The following CABCOCO1 variants were observed in gnomAD, a reference collection of about 807,000 sequenced individuals.
CABCOCO1 encodes ciliary-associated calcium-binding coiled-coil protein 1.
In CABCOCO1, 28 loss-of-function variants were observed where a neutral mutation model predicts 35.7. The ratio of observed to expected loss-of-function variants is 0.78; its 90% CI spans 0.58 to 1.07. CABCOCO1 has a LOEUF of 1.07. Ranked by LOEUF, CABCOCO1 falls within the 50% of genes least tolerant of loss-of-function variation. The probability of loss-of-function intolerance (pLI) is 0.00; values close to 1 mark genes in which losing one functional copy is unlikely to be tolerated. For missense variants in CABCOCO1, 326 were observed against 309.2 expected, an observed-to-expected ratio of 1.05 and a Z score of -0.41; for synonymous variants, 95 against 100.1, an observed-to-expected ratio of 0.95 and a Z score of 0.30.
chr10:61,698,342 T>C (rs985450493), intron 5 of CABCOCO1, among the ~76,000 whole-genome samples: 2 of 152,152 alleles, frequency 1.3e-5, no homozygotes, highest in African/African-American at 4.8e-5. Context: ...AGGGGCACCA[T>C]TCACATTGCA....
At chr10:61,749,517 G>A (rs967928401) in intron 5 of CABCOCO1, among the ~76,000 whole-genome samples, 2 of 152,094 alleles carry the variant, frequency 1.3e-5, no homozygotes, top group Admixed American at 1.3e-4. Flanking sequence ...ACTTATTTTG[G>A]AACAATGCAC....
At chr10:61,746,178 T>A (rs1841656238) in intron 5 of CABCOCO1, among the ~76,000 whole-genome samples, 1 of 152,210 alleles carries the variant, frequency 6.6e-6, no homozygotes, top group African/African-American at 2.4e-5. Flanking sequence ...ATAAATATAT[T>A]AATAAAATCA....
At chr10:61,700,421 T>G (rs1408664409) in intron 5 of CABCOCO1, among the ~76,000 whole-genome samples, 1 of 152,114 alleles carries the variant, frequency 6.6e-6, no homozygotes, top group Admixed American at 6.6e-5. Context: ...GCCAATAAAC[T>G]TATGCAAAGA....
chr10:61,764,691 C>T (rs187284434), intron 7 of CABCOCO1, among the ~76,000 whole-genome samples: 1 of 152,130 alleles, frequency 6.6e-6, no homozygotes, highest in African/African-American at 2.4e-5. Flanking sequence ...CTCCATCCCT[C>T]CTTGCCTCCT....
At chr10:61,764,652 G>A (rs1169409824) in intron 7 of CABCOCO1, among the ~76,000 whole-genome samples, 2 of 151,750 alleles carry the variant, frequency 1.3e-5, no homozygotes, top group Non-Finnish European at 2.9e-5. Context: ...CATCCTAAAG[G>A]AAGAGTTCCT....
At chr10:61,696,786 G>A (rs577730801) in intron 5 of CABCOCO1, among the ~76,000 whole-genome samples, 2 of 152,158 alleles carry the variant, frequency 1.3e-5, no homozygotes, top group Admixed American at 1.3e-4. Context: ...GATTACAGGT[G>A]TGAGCCACTG....
At position 61,682,721 on chromosome 10, in the gene CABCOCO1, T is replaced by C. The variant is rs902323607; in HGVS notation, c.334+1409T>C. Among the ~76,000 whole-genome samples the C allele has an allele frequency of 6.6e-5, 10 of 152,076 alleles. No individual in the cohort carries two copies. In the South Asian group the frequency reaches 1.5e-3, roughly 22 times the overall value. On this transcript the variant is annotated intron_variant, in intron 3 of 7. Coordinates refer to ENST00000648843, the MANE Select transcript of CABCOCO1 (RefSeq NM_001366906.2). ...TTCACATGCCAGCTTATGAGAGAAATTGATAAGAGTCAGAGGAGTTCAGTG... is the reference window on the plus strand; with the variant it reads ...TTCACATGCCAGCTTATGAGAGAAACTGATAAGAGTCAGAGGAGTTCAGTG...
chr10:61,766,109 A>T lies in CABCOCO1; in HGVS notation c.*96A>T. 8.9e-7 allele frequency: 1 copy of T among 1,123,380 alleles called. No individual in the cohort carries two copies. Among genetic ancestry groups the T allele is most frequent in the South Asian group, 1.6e-5 (1 of 64,158 alleles). 69.6% of individuals were successfully genotyped at this position (1,123,380 alleles called of 1,614,324 possible). ...CTGGAGCGTCGTGTCTCCATCACTT[A>T]GTTGTGAAAGGAAAACCAAGCCCCA... On this transcript the variant is annotated 3_prime_UTR_variant, in exon 8 of 8. Transcript: ENST00000648843.
At chr10:61,713,419 GATGGGGTTTTCTAA>G (rs1214622952) in intron 5 of CABCOCO1, among the ~76,000 whole-genome samples, 4 of 152,194 alleles carry the variant, frequency 2.6e-5, no homozygotes, top group African/African-American at 9.7e-5. Context: ...GGGCTGAAAC[GATGGGGTTTTCTAA>G]ATAACAAGCA....
chr10:61,663,988 C>G (rs1451029348), intron 1 of CABCOCO1, among the ~76,000 whole-genome samples: 1 of 151,996 alleles, frequency 6.6e-6, no homozygotes, highest in Non-Finnish European at 1.5e-5. Flanking sequence ...ATTCTTTGTG[C>G]AGAAGATAAG....
chr10:61,696,942 A>T (rs1354253124), intron 5 of CABCOCO1, among the ~76,000 whole-genome samples: 1 of 152,166 alleles, frequency 6.6e-6, no homozygotes, highest in African/African-American at 2.4e-5. Flanking sequence ...CAACCTTAAT[A>T]GTTATCAAGG....
intron 6 of CABCOCO1, 71 bp downstream of exon 6, chr10:61,760,252 CTAAA>C: frequency 6.6e-7 from 1 of 1,506,010 alleles, no homozygotes; most frequent in African/African-American, 1.4e-5. Context: ...AGGAAACGAA[CTAAA>C]TGTTTTCTTC....
chr10:61,666,685 C>T (rs909295043), intron 1 of CABCOCO1, among the ~76,000 whole-genome samples: 1 of 151,816 alleles, frequency 6.6e-6, no homozygotes, highest in East Asian at 1.9e-4. Flanking sequence ...TGGTCTTTAG[C>T]AAGTCTAGAA....
At chr10:61,756,117 C>T (rs1183253808) in intron 5 of CABCOCO1, among the ~76,000 whole-genome samples, 1 of 151,870 alleles carries the variant, frequency 6.6e-6, no homozygotes, top group Non-Finnish European at 1.5e-5. Context: ...TTCATACTGA[C>T]GAGTATTAAA....
At chr10:61,722,565 C>G (rs2132043202) in intron 5 of CABCOCO1, among the ~76,000 whole-genome samples, 1 of 151,292 alleles carries the variant, frequency 6.6e-6, no homozygotes, top group South Asian at 2.1e-4. Context: ...AAATTAACAG[C>G]AAAGAAATCA....
intron 3 of CABCOCO1, among the ~76,000 whole-genome samples, 189 bp downstream of exon 3, chr10:61,681,501 T>C (rs1054122383): frequency 3.3e-5 from 5 of 152,136 alleles, no homozygotes; most frequent in Non-Finnish European, 7.4e-5. Context: ...TAACAAAGGC[T>C]ACAGTTTTCA....
chr10:61,762,139 A>G (rs1419036544), intron 7 of CABCOCO1, among the ~76,000 whole-genome samples: 1 of 152,246 alleles, frequency 6.6e-6, no homozygotes, highest in East Asian at 1.9e-4. Flanking sequence ...TAGTTTATGT[A>G]TAATCATGGC....
At chr10:61,666,929 ATATAAATATAATTATATATTATG>A (rs1839192518) in intron 1 of CABCOCO1, among the ~76,000 whole-genome samples, 1 of 125,528 alleles carries the variant, frequency 8.0e-6, no homozygotes, top group African/African-American at 3.1e-5. Context: ...CATATATTAT[ATATAAATATAATTATATATTATG>A]TATAAATATA....
rs772309016 is a variant in CABCOCO1, at chr10:61,686,075, G to A, written c.369G>A (p.Trp123Ter). The change falls in exon 4 of 8, where the codon TGG becomes TGA. Residue 123 changes from tryptophan to a stop codon, truncating the protein, a stop_gained. Transcript: ENST00000648843. LOFTEE classifies it high-confidence loss of function. ...LHMSLEESIK[W>*]LGEVMAEIGP... is the part of the protein sequence containing the mutation. ...TGTCCTTAGAGGAAAGCATAAAATG[G>A]CTTGGAGAAGTTATGGCTGAAATAG... 1.9e-6 allele frequency: 3 copies of A among 1,607,010 alleles called. No homozygotes were observed. Among genetic ancestry groups the A allele is most frequent in the South Asian group, 1.1e-5 (1 of 89,056 alleles).
Sources: allele counts gnomAD v4.1 joint callset (sites outside exome capture counted in the v4.1 genomes callset), GRCh38; gene constraint gnomAD v4.1.1; transcripts MANE v1.5; gene names NCBI Gene and HGNC (gene_info 2026-07-23, HGNC 2026-07-21).